ST3GAL1: variants seen among roughly 807,000 people sequenced by gnomAD.
ST3GAL1 encodes ST3 beta-galactoside alpha-2,3-sialyltransferase 1.
In ST3GAL1, 16 loss-of-function variants were observed where a neutral mutation model predicts 34.1. The ratio of observed to expected loss-of-function variants is 0.47; its 90% CI spans 0.32 to 0.71. The LOEUF is 0.71. Ranked by LOEUF, ST3GAL1 falls within the 30% of genes least tolerant of loss-of-function variation. The probability of loss-of-function intolerance (pLI) is 0.04; values close to 1 mark genes in which losing one functional copy is unlikely to be tolerated. For missense variants in ST3GAL1, 353 were observed against 447.4 expected, an observed-to-expected ratio of 0.79 and a Z score of 1.90; for synonymous variants, 191 against 184.7, an observed-to-expected ratio of 1.03 and a Z score of -0.28.
chr8:133,500,583 A>G (rs539161199), intron 2 of ST3GAL1, among the ~76,000 whole-genome samples: 1 of 152,280 alleles, frequency 6.6e-6, no homozygotes, highest in South Asian at 2.1e-4. Flanking sequence ...CCTGGGTCCA[A>G]TTCTCAGCCC....
At chr8:133,568,130 C>T (rs1359543123) in intron 1 of ST3GAL1, among the ~76,000 whole-genome samples, 1 of 152,104 alleles carries the variant, frequency 6.6e-6, no homozygotes, top group African/African-American at 2.4e-5. Flanking sequence ...CCACATTGGC[C>T]AGCTGGTCTC....
chr8:133,558,286 G>C (rs138425438), intron 1 of ST3GAL1, among the ~76,000 whole-genome samples: 2 of 152,154 alleles, frequency 1.3e-5, no homozygotes, highest in Non-Finnish European at 2.9e-5. Context: ...TTCTGAGCAC[G>C]GTCCAAGTGT....
Position 133,562,838 on chromosome 8 carries a change from C to CT in ST3GAL1, c.-582+8854dup, listed in dbSNP as rs1209971131. On this transcript the variant is annotated intron_variant, in intron 1 of 9. Coordinates refer to ENST00000522652, the MANE Select transcript of ST3GAL1 (RefSeq NM_173344.3). ...CCTTCCTTCCTTCCTTCCTTCCTTC[C>CT]TTCCTTTCTTTCTTTTTTTTTTTTT... 6.5e-3 allele frequency among the ~76,000 whole-genome samples: 669 copies of CT among 102,632 alleles called. 12 individuals are homozygous for CT. Among genetic ancestry groups the CT allele is most frequent in the African/African-American group, 0.026 (625 of 24,506 alleles). 67.3% of individuals were successfully genotyped at this position (102,632 alleles called of 152,430 possible).
chr8:133,505,871 A>T (rs1439130485), intron 2 of ST3GAL1, among the ~76,000 whole-genome samples: 2 of 152,056 alleles, frequency 1.3e-5, no homozygotes, highest in African/African-American at 4.8e-5. Flanking sequence ...AAAGTGCTGG[A>T]ATTACAGGCG....
rs2736869 is a variant in ST3GAL1 at position 133,461,674 on chromosome 8, T to C, written c.849+201A>G. ...CAGAATGTGCCAGAACTATTGCTCC[T>C]GAGAACTTTCTCATAGAGCACTGTT... On this transcript the variant is annotated intron_variant, in intron 9 of 9. Coordinates refer to ENST00000522652, the MANE Select transcript of ST3GAL1 (RefSeq NM_173344.3). The surrounding 1 kb of genome is among the most constrained non-coding windows in gnomAD (Gnocchi z 4.7). Among the ~76,000 whole-genome samples, 109,078 of 152,090 alleles carry C rather than the reference T, an allele frequency of 0.72. 39,471 individuals carry two copies. Among genetic ancestry groups the C allele is most frequent in the East Asian group, 0.98 (5,088 of 5,178 alleles).
chr8:133,522,053 C>T (rs534814704), intron 2 of ST3GAL1, among the ~76,000 whole-genome samples: 2 of 152,172 alleles, frequency 1.3e-5, no homozygotes, highest in Non-Finnish European at 2.9e-5. Flanking sequence ...AATGGTGGTG[C>T]CTTTATAATC....
chr8:133,564,815 G>A (rs1180684572), intron 1 of ST3GAL1, among the ~76,000 whole-genome samples: 18 of 152,196 alleles, frequency 1.2e-4, no homozygotes, highest in Admixed American at 1.0e-3. Flanking sequence ...AGAAGAGGAA[G>A]CTGAGACATA....
At chr8:133,557,679 C>A (rs1417908266) in intron 1 of ST3GAL1, among the ~76,000 whole-genome samples, 1 of 152,112 alleles carries the variant, frequency 6.6e-6, no homozygotes. Flanking sequence ...GAAACCCTGT[C>A]TCTACTAAAA....
At chr8:133,530,286 A>ATTTTTT (rs150108560) in intron 2 of ST3GAL1, among the ~76,000 whole-genome samples, 1 of 116,828 alleles carries the variant, frequency 8.6e-6, no homozygotes, top group Admixed American at 8.5e-5. Context: ...CTTTATTTTT[A>ATTTTTT]TTTTTTTTTT....
intron 5 of ST3GAL1, among the ~76,000 whole-genome samples, chr8:133,472,503 C>CATGAA (rs1816006904): frequency 6.6e-6 from 1 of 152,250 alleles, no homozygotes; most frequent in African/African-American, 2.4e-5. Flanking sequence ...CAGTTCCATT[C>CATGAA]ATGAAATGGT....
chr8:133,536,633 G>A (rs938822250), intron 2 of ST3GAL1, among the ~76,000 whole-genome samples: 22 of 152,180 alleles, frequency 1.4e-4, no homozygotes, highest in Non-Finnish European at 2.6e-4. Context: ...TGTTCCTGCA[G>A]CTCACTCATG....
At chr8:133,489,333 A>AGTGCCCCAGGAGCT (rs1410253604) in intron 3 of ST3GAL1, among the ~76,000 whole-genome samples, 4 of 152,120 alleles carry the variant, frequency 2.6e-5, no homozygotes, top group African/African-American at 9.7e-5. Flanking sequence ...CTAAGCAATG[A>AGTGCCCCAGGAGCT]GTGCCCCAGG....
intron 6 of ST3GAL1, chr8:133,465,652 G>T: frequency 2.5e-6 from 1 of 406,834 alleles, no homozygotes; most frequent in Non-Finnish European, 4.3e-6. Flanking sequence ...AACAACGGGG[G>T]ACCTCCCGTG....
chr8:133,509,856 G>A (rs796988611), intron 2 of ST3GAL1, among the ~76,000 whole-genome samples: 10 of 152,170 alleles, frequency 6.6e-5, no homozygotes, highest in African/African-American at 2.2e-4. Flanking sequence ...TCTGGAGTTC[G>A]AGACCAGCCT....
At chr8:133,540,740 T>TAGAGAC (rs1563733817) in intron 2 of ST3GAL1, among the ~76,000 whole-genome samples, 1 of 90,408 alleles carries the variant, frequency 1.1e-5, no homozygotes, top group Admixed American at 1.1e-4. Context: ...TATATATATA[T>TAGAGAC]ATAGACATAT....
chr8:133,532,620 C>T (rs1226524515), intron 2 of ST3GAL1, among the ~76,000 whole-genome samples: 2 of 152,084 alleles, frequency 1.3e-5, no homozygotes, highest in Non-Finnish European at 2.9e-5. Flanking sequence ...TGGGACCAAT[C>T]AATAGTAATA....
intron 5 of ST3GAL1, among the ~76,000 whole-genome samples, chr8:133,471,329 TGGGGTGGACAG>T: frequency 2.8e-5 from 2 of 72,106 alleles, no homozygotes; most frequent in East Asian, 3.1e-3. Context: ...CGGTGCCGTG[TGGGGTGGACAG>T]GTGGGGTGGA....
intron 1 of ST3GAL1, among the ~76,000 whole-genome samples, chr8:133,549,419 T>A (rs1818769333): frequency 6.6e-6 from 1 of 150,506 alleles, no homozygotes; most frequent in Non-Finnish European, 1.5e-5. Context: ...AAAAAAAAGA[T>A]ATAAGGCGGT....
Position 133,570,681 on chromosome 8 carries a change from C to T in ST3GAL1, c.-582+1012G>A, listed in dbSNP as rs1192330174. Reference sequence around the variant, plus strand: ...CCCCATCTCAAGTTCAGCCGCGCTTCCTCCCGCAAGGTCACGCTTAAACAC... The same window carrying T: ...CCCCATCTCAAGTTCAGCCGCGCTTTCTCCCGCAAGGTCACGCTTAAACAC... On this transcript the variant is annotated intron_variant, in intron 1 of 9. Transcript: ENST00000522652. The surrounding 1 kb of genome is among the most constrained non-coding windows in gnomAD (Gnocchi z 5.6). 6.6e-6 allele frequency among the ~76,000 whole-genome samples: 1 copy of T among 152,194 alleles called. No individual in the cohort carries two copies. The highest frequency in any genetic ancestry group is 1.5e-5 in the Non-Finnish European group (1 of 68,044).
Sources: gnomAD v4.1 joint callset for allele counts (sites outside exome capture counted in the v4.1 genomes callset) on GRCh38, gnomAD v4.1.1 for gene constraint, Gnocchi (gnomAD v3.1) non-coding constraint, MANE v1.5 for transcripts, NCBI Gene and HGNC (gene_info 2026-07-23, HGNC 2026-07-21) for gene names.